The following CDH23 variants were observed in gnomAD, a reference collection of about 807,000 sequenced individuals.
CDH23 encodes cadherin related 23.
CDH23 carries 189 observed loss-of-function variants against 317.1 expected under a neutral mutation model. That is an observed-to-expected ratio of 0.60 (90% confidence interval 0.53 to 0.67). The LOEUF is 0.67. Ranked by LOEUF, CDH23 falls within the 30% of genes least tolerant of loss-of-function variation. The pLI is 0.00. For synonymous variants in CDH23, 1,839 were observed against 1,876.8 expected (o/e 0.98, Z 0.52); for missense variants, 4,401 against 4,592.4 (o/e 0.96, Z 1.20).
At chr10:71,687,782 C>A in intron 19 of CDH23, 63 bp downstream of exon 19, 1 of 1,452,866 alleles carries the variant, frequency 6.9e-7, no homozygotes, top group Non-Finnish European at 9.6e-7. Flanking sequence ...TCACGGCACC[C>A]AGGATGTGCA....
chr10:71,414,322 C>G (rs564690507), intron 1 of CDH23, among the ~76,000 whole-genome samples: 12 of 152,228 alleles, frequency 7.9e-5, no homozygotes, highest in African/African-American at 2.9e-4. Flanking sequence ...GTGGGCTTTT[C>G]CATTTATGGC....
At chr10:71,597,210 G>C (rs1466696627) in intron 9 of CDH23, among the ~76,000 whole-genome samples, 1 of 152,090 alleles carries the variant, frequency 6.6e-6, no homozygotes, top group East Asian at 1.9e-4. Context: ...GGGGCCGGGA[G>C]GGTGGGGAGC....
chr10:71,700,821 G>A (rs1404222015), intron 22 of CDH23, among the ~76,000 whole-genome samples: 1 of 152,212 alleles, frequency 6.6e-6, no homozygotes, highest in Non-Finnish European at 1.5e-5. Context: ...GCAGATGGGA[G>A]TTCTCAGCCA....
At chr10:71,613,271 T>A (rs1442352260) in intron 9 of CDH23, among the ~76,000 whole-genome samples, 1 of 152,240 alleles carries the variant, frequency 6.6e-6, no homozygotes, top group African/African-American at 2.4e-5. Flanking sequence ...CATACATTTA[T>A]ATGCCTCCTT....
rs12266801 is a variant in CDH23 at position 71,577,697 on chromosome 10, C to T, written c.754-217C>T. ...GAAGGGGAAAGGGGAATGATAACATCGGTAAGGTTTGGCCTCCCCGTGGAC... is the reference window on the plus strand; with the variant it reads ...GAAGGGGAAAGGGGAATGATAACATTGGTAAGGTTTGGCCTCCCCGTGGAC... On this transcript the variant is annotated intron_variant, in intron 8 of 69. Coordinates refer to ENST00000224721, the MANE Select transcript of CDH23 (RefSeq NM_022124.6). 0.13 allele frequency among the ~76,000 whole-genome samples: 20,295 copies of T among 152,154 alleles called. 2,002 individuals carry two copies. The highest frequency in any genetic ancestry group is 0.51 in the East Asian group (2,649 of 5,156).
At chr10:71,582,112 A>G (rs1203420964) in intron 9 of CDH23, among the ~76,000 whole-genome samples, 2 of 152,324 alleles carry the variant, frequency 1.3e-5, no homozygotes, top group Middle Eastern at 3.4e-3. Flanking sequence ...TTGTCAAGTA[A>G]CAAGCAGGAC....
intron 1 of CDH23, among the ~76,000 whole-genome samples, chr10:71,403,055 GA>G (rs1212220407): frequency 1.3e-5 from 2 of 152,126 alleles, no homozygotes; most frequent in African/African-American, 4.8e-5. Context: ...CCAGGAGGCG[GA>G]GCTTGCAGTG....
intron 1 of CDH23, among the ~76,000 whole-genome samples, chr10:71,407,012 G>A (rs562747465): frequency 2.0e-5 from 3 of 152,294 alleles, no homozygotes; most frequent in South Asian, 2.1e-4. Context: ...ACAACCCTAC[G>A]AATTAGGGTC....
At chr10:71,809,121 A>G (rs1471213541) in intron 60 of CDH23, among the ~76,000 whole-genome samples, 2 of 147,060 alleles carry the variant, frequency 1.4e-5, no homozygotes, top group African/African-American at 5.1e-5. Context: ...ACTATGCTGT[A>G]CCACCTGACC....
At chr10:71,720,365 T>G (rs1866496838) in intron 28 of CDH23, among the ~76,000 whole-genome samples, 1 of 151,812 alleles carries the variant, frequency 6.6e-6, no homozygotes, top group Admixed American at 6.6e-5. Flanking sequence ...TCCAAGGCCA[T>G]GCTCCCCACA....
chr10:71,602,953 G>A (rs577482959), intron 9 of CDH23, among the ~76,000 whole-genome samples: 6 of 152,220 alleles, frequency 3.9e-5, no homozygotes, highest in African/African-American at 7.2e-5. Context: ...TTCTCCAGTC[G>A]GCTTCCTCAT....
intron 3 of CDH23, among the ~76,000 whole-genome samples, chr10:71,501,342 TC>T (rs1368264992): frequency 6.6e-6 from 1 of 152,082 alleles, no homozygotes; most frequent in East Asian, 1.9e-4. Context: ...GTTCATGCCG[TC>T]CCCTCCAAGT....
At chr10:71,761,864 G>A in intron 38 of CDH23, 3 of 1,614,148 alleles carry the variant, frequency 1.9e-6, no homozygotes, top group Non-Finnish European at 2.5e-6. Context: ...CTCTGAGCAG[G>A]TCTGCACCTC....
At chr10:71,725,343 T>C (rs768364372) in intron 29 of CDH23, 29 bp from the exon 30 acceptor site, 2 of 1,613,754 alleles carry the variant, frequency 1.2e-6, no homozygotes, top group Non-Finnish European at 1.7e-6. Flanking sequence ...GCAGGGCCGG[T>C]GTTCCAGGGG....
At chr10:71,557,163 A>G (rs927130793) in intron 6 of CDH23, among the ~76,000 whole-genome samples, 1 of 152,240 alleles carries the variant, frequency 6.6e-6, no homozygotes, top group African/African-American at 2.4e-5. Flanking sequence ...TATTATGATT[A>G]TGTAAATGTT....
At position 71,739,701 on chromosome 10, in the gene CDH23, A is replaced by G. The variant is rs1284831712; in HGVS notation, c.4417A>G (p.Asn1473Asp). The G allele has an allele frequency of 1.2e-6, 2 of 1,613,546 alleles. No individual in the cohort carries two copies. Among genetic ancestry groups the G allele is most frequent in the South Asian group, 1.1e-5 (1 of 90,980 alleles). ...IAGAFEIVTT[N>D]DSIGEVFVAR... ...GGGGGCCTTTGAGATCGTCACCACC[A>G]ATGACTCCATTGGCGAAGTGTTTGT... The change falls in exon 36 of 70, where the codon AAT becomes GAT. Residue 1473 changes from asparagine to aspartate, a missense_variant. Physicochemically the swap from Asn to Asp is conservative, Grantham distance 23 (BLOSUM62 1). This residue lies in a region of CDH23 where 3,068 missense variants were observed against 3,203.3 expected (regional missense o/e 0.96). Coordinates refer to ENST00000224721, the MANE Select transcript of CDH23 (RefSeq NM_022124.6).
rs372702307 is a variant in CDH23, at chr10:71,782,098, T to C, written c.5369-2189T>C. Among the ~76,000 whole-genome samples the C allele has an allele frequency of 5.3e-5, 8 of 152,306 alleles. No homozygotes were observed. The East Asian group carries it at 1.4e-3, about 26-fold the overall frequency. Reference sequence around the variant, plus strand: ...CCTGAGGCTGGAAGGCTGCTTTCTATAGGGAGACAGATGCCAGATTTCTGA... The same window carrying C: ...CCTGAGGCTGGAAGGCTGCTTTCTACAGGGAGACAGATGCCAGATTTCTGA... On this transcript the variant is annotated intron_variant, in intron 41 of 69. Transcript: ENST00000224721.
chr10:71,523,411 C>T (rs1383307924), intron 6 of CDH23, among the ~76,000 whole-genome samples: 1 of 152,166 alleles, frequency 6.6e-6, no homozygotes, highest in African/African-American at 2.4e-5. Context: ...TCGGGGACTA[C>T]CAAACCTTAG....
At chr10:71,531,707 C>T (rs1184487487) in intron 6 of CDH23, among the ~76,000 whole-genome samples, 1 of 152,124 alleles carries the variant, frequency 6.6e-6, no homozygotes, top group Non-Finnish European at 1.5e-5. Context: ...CCTTGTCTTC[C>T]TAGCCATAGA....
Sources: gnomAD v4.1 joint callset for allele counts (sites outside exome capture counted in the v4.1 genomes callset) on GRCh38, gnomAD v4.1.1 for gene constraint, gnomAD v4.1.1 regional missense constraint, MANE v1.5 for transcripts, NCBI Gene and HGNC (gene_info 2026-07-23, HGNC 2026-07-21) for gene names.